The following GUCY1A2 variants were observed in gnomAD, a reference collection of about 807,000 sequenced individuals.
The protein encoded by GUCY1A2 is guanylate cyclase soluble subunit alpha-2.
In GUCY1A2, 27 loss-of-function variants were observed where a neutral mutation model predicts 63.5. That is an observed-to-expected ratio of 0.43 (90% CI 0.31 to 0.59). The LOEUF is 0.59. Among genes scored for constraint, GUCY1A2 ranks in the 20% least tolerant of loss-of-function variants. GUCY1A2 has a pLI of 0.11. For missense variants in GUCY1A2, 768 were observed against 913.3 expected (o/e 0.84, Z 2.05); for synonymous variants, 364 against 343.5 (o/e 1.06, Z -0.66).
rs564815622 is a variant in GUCY1A2, at chr11:106,840,056, A to G, written c.1207-29578T>C. ...ACTGTAAAATAATTTAACATGAGCC[A>G]CTGAATCCATAAAGTTTGAAAATAT... On this transcript the variant is annotated intron_variant, in intron 4 of 7. Transcript: ENST00000526355. Among the ~76,000 whole-genome samples the G allele has an allele frequency of 3.3e-5, 5 of 152,118 alleles. No individual in the cohort carries two copies. The East Asian group carries it at 9.7e-4, about 30-fold the overall frequency.
At chr11:106,874,462 G>C (rs761907418) in intron 4 of GUCY1A2, among the ~76,000 whole-genome samples, 94 of 152,128 alleles carry the variant, frequency 6.2e-4, no homozygotes, top group Admixed American at 1.1e-3. Context: ...CCTATCTTAT[G>C]TCACAGTCTC....
chr11:106,878,025 A>G (rs1859773879), intron 4 of GUCY1A2, among the ~76,000 whole-genome samples: 1 of 152,198 alleles, frequency 6.6e-6, no homozygotes, highest in South Asian at 2.1e-4. Flanking sequence ...AATATATGAA[A>G]AAAAACTCAA....
chr11:106,833,730 A>G (rs1266999055), intron 4 of GUCY1A2, among the ~76,000 whole-genome samples: 1 of 152,076 alleles, frequency 6.6e-6, no homozygotes, highest in Non-Finnish European at 1.5e-5. Context: ...GTAAGTAAAG[A>G]TTATTAACTA....
At chr11:106,981,431 G>T (rs1487266770) in intron 2 of GUCY1A2, among the ~76,000 whole-genome samples, 1 of 150,658 alleles carries the variant, frequency 6.6e-6, no homozygotes. Flanking sequence ...ATATGAGTTT[G>T]GCAACAGTCC....
intron 7 of GUCY1A2, among the ~76,000 whole-genome samples, chr11:106,690,303 A>C (rs2135335184): frequency 6.6e-6 from 1 of 152,244 alleles, no homozygotes; most frequent in Admixed American, 6.5e-5. Flanking sequence ...GGATAAAGAA[A>C]ATGTGGTAAA....
intron 6 of GUCY1A2, among the ~76,000 whole-genome samples, chr11:106,755,297 C>G (rs1863953648): frequency 1.3e-5 from 2 of 152,118 alleles, no homozygotes. Flanking sequence ...AAAAAACCAG[C>G]TTCTGGATTC....
At chr11:106,721,181 A>G (rs891494736) in intron 6 of GUCY1A2, among the ~76,000 whole-genome samples, 2 of 151,142 alleles carry the variant, frequency 1.3e-5, no homozygotes, top group African/African-American at 2.4e-5. Flanking sequence ...GCCTCAATCT[A>G]CCGAGTAGCT....
chr11:106,957,864 T>C (rs1484801744), intron 3 of GUCY1A2, among the ~76,000 whole-genome samples: 1 of 5,682 alleles, frequency 1.8e-4, no homozygotes, highest in Non-Finnish European at 4.2e-4. Context: ...ACTTTTTTTT[T>C]TTTTTTTTTT....
chr11:106,714,056 C>T (rs1863174452), intron 6 of GUCY1A2, among the ~76,000 whole-genome samples: 2 of 150,642 alleles, frequency 1.3e-5, no homozygotes, highest in Non-Finnish European at 3.0e-5. Flanking sequence ...TACTCCATAC[C>T]AACTATTTGA....
intron 6 of GUCY1A2, among the ~76,000 whole-genome samples, chr11:106,736,438 T>C (rs1360557379): frequency 6.6e-6 from 1 of 152,158 alleles, no homozygotes; most frequent in Non-Finnish European, 1.5e-5. Context: ...ATGAGTTAAC[T>C]ACAGATGTAT....
At chr11:106,725,868 T>C (rs1386442972) in intron 6 of GUCY1A2, among the ~76,000 whole-genome samples, 3 of 145,978 alleles carry the variant, frequency 2.1e-5, no homozygotes, top group Non-Finnish European at 4.5e-5. Context: ...ACTCCAGATC[T>C]TTTTTTTTTT....
At chr11:106,806,326 T>C (rs1858684224) in intron 5 of GUCY1A2, among the ~76,000 whole-genome samples, 1 of 152,158 alleles carries the variant, frequency 6.6e-6, no homozygotes, top group Admixed American at 6.5e-5. Flanking sequence ...CAAGTTAAAG[T>C]GCTTAAAGGT....
At chr11:106,862,498 A>G (rs1018316477) in intron 4 of GUCY1A2, among the ~76,000 whole-genome samples, 1 of 151,964 alleles carries the variant, frequency 6.6e-6, no homozygotes, top group Non-Finnish European at 1.5e-5. Context: ...CAAACAACAA[A>G]CAAAAAAACC....
chr11:106,971,041 G>A (rs888305582), intron 3 of GUCY1A2, among the ~76,000 whole-genome samples: 4 of 152,092 alleles, frequency 2.6e-5, no homozygotes, highest in Admixed American at 1.3e-4. Flanking sequence ...CAAACAGATC[G>A]GTACTTGCCA....
chr11:107,003,866 A>G (rs1861639228), intron 1 of GUCY1A2, among the ~76,000 whole-genome samples: 2 of 152,178 alleles, frequency 1.3e-5, no homozygotes, highest in South Asian at 4.1e-4. Context: ...TGGGATCAAC[A>G]ACCATGAAAG....
intron 1 of GUCY1A2, among the ~76,000 whole-genome samples, chr11:107,007,963 G>C (rs966009938): frequency 1.4e-5 from 2 of 147,110 alleles, no homozygotes. Flanking sequence ...CCAAATAACT[G>C]TTGTGTCTAC....
intron 4 of GUCY1A2, among the ~76,000 whole-genome samples, chr11:106,846,555 G>A (rs896716160): frequency 2.0e-5 from 3 of 151,616 alleles, no homozygotes; most frequent in East Asian, 1.9e-4. Context: ...TGTTCTATTT[G>A]TACTATTGTA....
chr11:106,967,219 G>C (rs189856793), intron 3 of GUCY1A2, among the ~76,000 whole-genome samples: 4 of 152,146 alleles, frequency 2.6e-5, no homozygotes, highest in African/African-American at 9.7e-5. Flanking sequence ...ATCCTAAAAT[G>C]ACTCTGCTTT....
intron 4 of GUCY1A2, among the ~76,000 whole-genome samples, chr11:106,886,737 CA>C (rs1859905805): frequency 6.6e-6 from 1 of 152,066 alleles, no homozygotes; most frequent in Admixed American, 6.6e-5. Context: ...TGGAATACTC[CA>C]AAAGGCCCAC....
Sources: gnomAD v4.1 joint callset for allele counts (sites outside exome capture counted in the v4.1 genomes callset) on GRCh38, gnomAD v4.1.1 for gene constraint, MANE v1.5 for transcripts, NCBI Gene and HGNC (gene_info 2026-07-23, HGNC 2026-07-21) for gene names.